Variants in BRD4 observed in about 807,000 individuals in gnomAD.
BRD4 encodes the protein bromodomain-containing protein 4.
In BRD4, 16 loss-of-function variants were observed where a neutral mutation model predicts 142.1. The observed-to-expected ratio is 0.11, with a 90% CI of 0.08 to 0.17. The LOEUF is 0.17. BRD4 is among the 10% of genes least tolerant of loss of function. The pLI is 1.00. For missense variants in BRD4, 1,424 were observed against 1,810.9 expected (o/e 0.79, Z 3.88); for synonymous variants, 833 against 707.5 (o/e 1.18, Z -2.82).
intron 1 of BRD4, among the ~76,000 whole-genome samples, chr19:15,293,748 CATT>C (rs1440564163): frequency 3.3e-5 from 5 of 152,220 alleles, no homozygotes; most frequent in Non-Finnish European, 7.3e-5. Flanking sequence ...CTACCATCAT[CATT>C]ATCCTCCTCT....
rs201923211 is a variant in BRD4, at chr19:15,244,728, G to A, written c.2193C>T (p.Pro731=). The A allele has an allele frequency of 2.7e-5, 44 of 1,613,980 alleles. No individual in the cohort carries two copies. Among genetic ancestry groups the A allele is most frequent in the East Asian group, 2.4e-4 (11 of 44,898 alleles). ...CATGTACCTTCTTCTGCTCCCTCCC[G>A]GGGTGCCCCTTCTTTTTTGACTTCG... ...MAPKSKKKGH[P]GREQKKHHHH... Residue 731 remains proline, a synonymous_variant, in exon 12 of 20, where the codon CCC becomes CCT. Transcript: ENST00000679869.
intron 2 of BRD4, among the ~76,000 whole-genome samples, chr19:15,271,031 C>A (rs2047582026): frequency 6.6e-6 from 1 of 152,188 alleles, no homozygotes; most frequent in African/African-American, 2.4e-5. Flanking sequence ...CACTCTCCAG[C>A]CTGCACTTCA....
Position 15,284,725 on chromosome 19 carries a change from A to G in BRD4, c.-34-11592T>C, listed in dbSNP as rs2047727920. On this transcript the variant is annotated intron_variant, in intron 1 of 19. Coordinates refer to ENST00000679869, the MANE Select transcript of BRD4 (RefSeq NM_001379291.1). ...GAATCTGCTGGAGAGGGATGCTTGG[A>G]AGTAAATAGCTGTCACCCTCTCATC... Among the ~76,000 whole-genome samples the G allele has an allele frequency of 2.6e-5, 4 of 152,286 alleles. No individual in the cohort carries two copies. In the South Asian group the frequency reaches 8.3e-4, roughly 32 times the overall value.
rs574264492 is a variant in BRD4, at chr19:15,246,229, C to T, written c.2159-1467G>A. 3.7e-4 allele frequency among the ~76,000 whole-genome samples: 57 copies of T among 152,224 alleles called. No homozygotes were observed. In the South Asian group the frequency reaches 6.6e-3, roughly 18 times the overall value. On this transcript the variant is annotated intron_variant, in intron 11 of 19. Coordinates refer to ENST00000679869, the MANE Select transcript of BRD4 (RefSeq NM_001379291.1). The stretch of plus-strand genomic sequence containing the variant: ...GGGTGAGACATGCCAGAAGGGAAAG[C>T]TTGAGTAGATTTGCAGTGTCAGGGC...
At chr19:15,253,993 C>T (rs1242016846) in intron 11 of BRD4, 159 bp downstream of exon 11, 3 of 720,212 alleles carry the variant, frequency 4.2e-6, no homozygotes, top group African/African-American at 3.5e-5. Flanking sequence ...TATTCATGGC[C>T]CCAGGGAGAC....
In BRD4 at chr19:15,264,599, C is replaced by A. The variant is rs1386735989; in HGVS notation, c.1017G>T (p.Gln339His). 6.2e-7 allele frequency: 1 copy of A among 1,614,072 alleles called. No homozygotes were observed. Among genetic ancestry groups the A allele is most frequent in the African/African-American group, 1.3e-5 (1 of 74,938 alleles). ...TGCTCTTCTCTGGTGCTGGGTGCTG[C>A]TGAGAGTCGGGCACGTCCTTCTTTG... is the stretch of plus-strand genomic sequence containing the variant. ...KPPKKDVPDS[Q>H]QHPAPEKSSK... The change falls in exon 6 of 20, where the codon CAG becomes CAT. Residue 339 changes from glutamine to histidine, a missense_variant. This residue lies in a region of BRD4 where 86 missense variants were observed against 79.9 expected (regional missense o/e 1.08). Transcript: ENST00000679869.
chr19:15,244,274 G>T lies in BRD4; in HGVS notation c.2538C>A (p.Ser846Arg). 6.3e-7 allele frequency: 1 copy of T among 1,588,230 alleles called. No homozygotes were observed. The highest frequency in any genetic ancestry group is 1.8e-5 in the Admixed American group (1 of 55,612). ...CGTGCTGGTTGAGATGGGGTGGAGT[G>T]CTGTGCTCAGGCGGCTGGGGCAGGT... Reference protein sequence around the residue: ...PPHLPQPPEHSTPPHLNQHAV... With the variant: ...PPHLPQPPEHRTPPHLNQHAV... The change falls in exon 13 of 20, where the codon AGC becomes AGA. Residue 846 changes from serine to arginine, a missense_variant. Physicochemically the swap from Ser to Arg is moderately radical, Grantham distance 110. Coordinates refer to ENST00000679869, the MANE Select transcript of BRD4 (RefSeq NM_001379291.1).
In BRD4 at chr19:15,256,650, T is replaced by C. The variant is rs962141587; in HGVS notation, c.1551+314A>G. Among the ~76,000 whole-genome samples, 22 of 152,176 alleles carry C rather than the reference T, an allele frequency of 1.4e-4. 2 individuals are homozygous for C. Among genetic ancestry groups the C allele is most frequent in the Admixed American group, 1.4e-3 (22 of 15,306 alleles). On this transcript the variant is annotated intron_variant, in intron 8 of 19. Coordinates refer to ENST00000679869, the MANE Select transcript of BRD4 (RefSeq NM_001379291.1). The stretch of plus-strand genomic sequence containing the variant: ...GGCTATAGGGAGAGGAGCAAACAGG[T>C]AGCCCCAGGAGAGACGAACATCCTG...
In BRD4 at chr19:15,244,382, G is replaced by A. The variant is rs200903821; in HGVS notation, c.2430C>T (p.Pro810=). ...GGTCAAAGACGCTGCCTGGGAGCTG[G>A]GGCTCCAGGACGGGCACCTGGGTGG... The part of the protein sequence containing the change: ...FIATQVPVLE[P]QLPGSVFDPI... The change falls in exon 13 of 20, where the codon CCC becomes CCT. Residue 810 remains proline (P), a synonymous_variant. Coordinates refer to ENST00000679869, the MANE Select transcript of BRD4 (RefSeq NM_001379291.1). 4 of 1,605,360 alleles carry A rather than the reference G, an allele frequency of 2.5e-6. No homozygotes were observed. The highest frequency in any genetic ancestry group is 3.4e-6 in the Non-Finnish European group (4 of 1,177,680).
chr19:15,323,181 A>AAAC, intron 1 of BRD4, among the ~76,000 whole-genome samples: 1 of 145,652 alleles, frequency 6.9e-6, no homozygotes, highest in African/African-American at 2.5e-5. Context: ...ATCTCTTTAA[A>AAAC]AAAAAAAAAA....
rs1335261256 is a variant in BRD4, at chr19:15,236,258, T to C, written c.*2119A>G. ...GTATCTTACATCTTAGGGGCTCTTCTTGGGCGTCACCCGTGCCTTGTGGCT... is the reference window on the plus strand; with the variant it reads ...GTATCTTACATCTTAGGGGCTCTTCCTGGGCGTCACCCGTGCCTTGTGGCT... On this transcript the variant is annotated 3_prime_UTR_variant, in exon 20 of 20. Transcript: ENST00000679869. 6.6e-6 allele frequency: 1 copy of C among 152,258 alleles called. No homozygotes were observed. Among genetic ancestry groups the C allele is most frequent in the Admixed American group, 6.5e-5 (1 of 15,286 alleles). 9.4% of individuals were successfully genotyped at this position (152,258 alleles called of 1,614,324 possible).
intron 4 of BRD4, 79 bp downstream of exon 4, chr19:15,267,337 C>T (rs1354438065): frequency 1.3e-6 from 2 of 1,550,852 alleles, no homozygotes; most frequent in Non-Finnish European, 1.8e-6. Flanking sequence ...CCTCCTGCCA[C>T]TCCCAGCCCC....
At chr19:15,263,697 A>C (rs1599462562) in intron 6 of BRD4, 149 bp from the exon 7 acceptor site, 1 of 996,554 alleles carries the variant, frequency 1.0e-6, no homozygotes, top group Non-Finnish European at 1.5e-6. Context: ...ACAGGCCATC[A>C]CCCCAGTTCT....
At chr19:15,278,404 C>CAAGCCAG (rs2047672314) in intron 1 of BRD4, among the ~76,000 whole-genome samples, 1 of 151,662 alleles carries the variant, frequency 6.6e-6, no homozygotes, top group African/African-American at 2.4e-5. Context: ...GGTATGGTGG[C>CAAGCCAG]GCATGCTTGT....
At position 15,312,080 on chromosome 19, in the gene BRD4, T is replaced by C. The variant is rs542777799; in HGVS notation, c.-35+20210A>G. 2.2e-4 allele frequency among the ~76,000 whole-genome samples: 33 copies of C among 152,340 alleles called. 1 individual carries two copies. The highest frequency in any genetic ancestry group is 3.4e-3 in the Middle Eastern group (1 of 294). On this transcript the variant is annotated intron_variant, in intron 1 of 19. Coordinates refer to ENST00000679869, the MANE Select transcript of BRD4 (RefSeq NM_001379291.1). ...GTTTTGAAACACATGCGTGTGCATG[T>C]AGGCAAATGGGTTCAGCCGACATTC...
chr19:15,279,747 T>G (rs2047686898), intron 1 of BRD4, among the ~76,000 whole-genome samples: 1 of 152,192 alleles, frequency 6.6e-6, no homozygotes, highest in Non-Finnish European at 1.5e-5. Flanking sequence ...CCCAGTTCCG[T>G]CCATCACAAG....
At chr19:15,303,207 T>C (rs1013537234) in intron 1 of BRD4, among the ~76,000 whole-genome samples, 28 of 152,136 alleles carry the variant, frequency 1.8e-4, no homozygotes, top group African/African-American at 6.3e-4. Context: ...CAGCTCAAAG[T>C]AGGGGAAAGT....
Position 15,238,968 on chromosome 19 carries a change from G to A in BRD4, c.3795C>T (p.Asp1265=), listed in dbSNP as rs773921792. 1.4e-5 allele frequency: 22 copies of A among 1,588,954 alleles called. No homozygotes were observed. Among genetic ancestry groups the A allele is most frequent in the East Asian group, 2.3e-5 (1 of 44,374 alleles). ...GCCGGGCCTGCTCCAGCGCATCCTC[G>A]TCCTCTCGGCTCCTGGGCAGAGGGT... ...LRQERMRSRE[D]EDALEQARRA... is the part of the protein sequence containing the mutation. Residue 1265 remains aspartate (D), a synonymous_variant, in exon 19 of 20, where the codon GAC becomes GAT. Coordinates refer to ENST00000679869, the MANE Select transcript of BRD4 (RefSeq NM_001379291.1). The surrounding 1 kb of genome is among the most constrained non-coding windows in gnomAD (Gnocchi z 7.2).
chr19:15,271,395 A>G (rs1315948113), intron 2 of BRD4, among the ~76,000 whole-genome samples: 1 of 152,094 alleles, frequency 6.6e-6, no homozygotes, highest in African/African-American at 2.4e-5. Context: ...ATGCCCTCCT[A>G]AAGGTCAACA....
Sources: gnomAD v4.1 joint callset for allele counts (sites outside exome capture counted in the v4.1 genomes callset) on GRCh38, gnomAD v4.1.1 for gene constraint, gnomAD v4.1.1 regional missense constraint, Gnocchi (gnomAD v3.1) non-coding constraint, MANE v1.5 for transcripts, NCBI Gene and HGNC (gene_info 2026-07-23, HGNC 2026-07-21) for gene names.